CSMD3: variants seen among roughly 807,000 people sequenced by gnomAD.
CSMD3 encodes the protein CUB and sushi domain-containing protein 3.
Under a neutral mutation model 435.2 loss-of-function variants are expected in CSMD3, and 177 were observed. The ratio of observed to expected loss-of-function variants is 0.41; its 90% confidence interval spans 0.36 to 0.46. The LOEUF is 0.46. CSMD3 is among the 20% of genes least tolerant of loss of function. The probability of loss-of-function intolerance (pLI) is 0.34; values close to 1 mark genes in which losing one functional copy is unlikely to be tolerated. For synonymous variants in CSMD3, 1,656 were observed against 1,520.5 expected (o/e 1.09, Z -2.07); for missense variants, 4,265 against 4,504.6 (o/e 0.95, Z 1.52).
At position 112,866,396 on chromosome 8, in the gene CSMD3, T is replaced by C. The variant is rs571285709; in HGVS notation, c.1634-7130A>G. Reference sequence around the variant, plus strand: ...CAGCTATCTATGTGCTCTGAATGGCTTTCCCAAGAGATGCAATGAAGTTGA... The same window carrying C: ...CAGCTATCTATGTGCTCTGAATGGCCTTCCCAAGAGATGCAATGAAGTTGA... On this transcript the variant is annotated intron_variant, in intron 10 of 70. Coordinates refer to ENST00000297405, the MANE Select transcript of CSMD3 (RefSeq NM_198123.2). Among the ~76,000 whole-genome samples, 5 of 152,284 alleles carry C rather than the reference T, an allele frequency of 3.3e-5. No homozygotes were observed. In the East Asian group the frequency reaches 9.6e-4, roughly 29 times the overall value.
intron 13 of CSMD3, among the ~76,000 whole-genome samples, chr8:112,760,249 G>T (rs1046126104): frequency 3.3e-5 from 5 of 152,128 alleles, no homozygotes; most frequent in Non-Finnish European, 7.4e-5. Context: ...GAATTAATAT[G>T]TACTTTTTAT....
chr8:112,712,316 G>A (rs1290200666), intron 13 of CSMD3, among the ~76,000 whole-genome samples: 1 of 152,082 alleles, frequency 6.6e-6, no homozygotes, highest in Non-Finnish European at 1.5e-5. Flanking sequence ...ACTTCAATTT[G>A]GTAAATGTAG....
At chr8:112,542,359 A>G (rs1826757875) in intron 27 of CSMD3, among the ~76,000 whole-genome samples, 1 of 151,440 alleles carries the variant, frequency 6.6e-6, no homozygotes. Context: ...AAAAAAAAAA[A>G]AATAGGTAAA....
chr8:113,075,501 C>T (rs1166668903), intron 5 of CSMD3, among the ~76,000 whole-genome samples: 1 of 151,752 alleles, frequency 6.6e-6, no homozygotes, highest in Non-Finnish European at 1.5e-5. Flanking sequence ...ATATAACCAT[C>T]CTAAATGTTA....
chr8:112,447,608 T>C (rs1200120185), intron 32 of CSMD3, among the ~76,000 whole-genome samples: 2 of 152,198 alleles, frequency 1.3e-5, no homozygotes, highest in Non-Finnish European at 2.9e-5. Flanking sequence ...TTTTAGGCTC[T>C]GTGGACCTAG....
At chr8:112,243,315 T>A (rs1433037064) in intron 65 of CSMD3, among the ~76,000 whole-genome samples, 2 of 152,152 alleles carry the variant, frequency 1.3e-5, no homozygotes, top group African/African-American at 4.8e-5. Flanking sequence ...AGAAAGTAAT[T>A]GTCATTTATG....
chr8:113,202,386 T>C (rs1441452403), intron 3 of CSMD3, among the ~76,000 whole-genome samples: 1 of 152,110 alleles, frequency 6.6e-6, no homozygotes, highest in African/African-American at 2.4e-5. Flanking sequence ...GAAGAGCCTC[T>C]TTTAAAAACT....
chr8:113,235,343 A>G (rs2093135940), intron 3 of CSMD3, among the ~76,000 whole-genome samples: 1 of 152,056 alleles, frequency 6.6e-6, no homozygotes, highest in African/African-American at 2.4e-5. Context: ...TCTCTCCGCT[A>G]CCTCAAAAAT....
chr8:112,656,487 C>T (rs1374705734), intron 17 of CSMD3, 146 bp from the exon 18 acceptor site: 1 of 562,868 alleles, frequency 1.8e-6, no homozygotes, highest in Non-Finnish European at 3.1e-6. Context: ...TCTAAGATAT[C>T]ATTTAAGACA....
At position 112,326,195 on chromosome 8, in the gene CSMD3, G is replaced by A. The variant is rs1305492018; in HGVS notation, c.7166-6214C>T. Among the ~76,000 whole-genome samples, 4 of 152,284 alleles carry A rather than the reference G, an allele frequency of 2.6e-5. No homozygotes were observed. In the East Asian group the frequency reaches 7.7e-4, roughly 29 times the overall value. The stretch of plus-strand genomic sequence containing the variant: ...GGGTGTAATGATTGTGAGGTGTGAT[G>A]CAGCAGATGTTTTGTAATTGAAGGC... On this transcript the variant is annotated intron_variant, in intron 45 of 70. Coordinates refer to ENST00000297405, the MANE Select transcript of CSMD3 (RefSeq NM_198123.2).
chr8:112,298,304 A>T lies in CSMD3; in HGVS notation c.8441-2298T>A, dbSNP rs540346582. Among the ~76,000 whole-genome samples the T allele has an allele frequency of 8.5e-5, 13 of 152,202 alleles. No individual in the cohort carries two copies. The South Asian group carries it at 1.2e-3, about 15-fold the overall frequency. On this transcript the variant is annotated intron_variant, in intron 53 of 70. Coordinates refer to ENST00000297405, the MANE Select transcript of CSMD3 (RefSeq NM_198123.2). ...ATGAACAAATTTAGAGGATTTACAT[A>T]CATGATTTCAATAATTATTATGAAG...
chr8:112,668,670 T>C (rs554424266), intron 16 of CSMD3, among the ~76,000 whole-genome samples: 4 of 152,168 alleles, frequency 2.6e-5, no homozygotes, highest in African/African-American at 7.2e-5. Flanking sequence ...TTATGACATT[T>C]TCTGAAGTAG....
At chr8:113,408,921 C>T (rs1171272061) in intron 1 of CSMD3, among the ~76,000 whole-genome samples, 1 of 152,040 alleles carries the variant, frequency 6.6e-6, no homozygotes. Context: ...TGGCTTTGAT[C>T]TCCCAAAGTG....
chr8:113,321,231 T>A (rs2093947326), intron 1 of CSMD3, among the ~76,000 whole-genome samples: 1 of 152,164 alleles, frequency 6.6e-6, no homozygotes, highest in African/African-American at 2.4e-5. Context: ...CTTCTTATTG[T>A]CAATATAAGG....
chr8:112,635,862 G>C (rs1316196203), intron 22 of CSMD3, among the ~76,000 whole-genome samples: 2 of 152,038 alleles, frequency 1.3e-5, no homozygotes, highest in South Asian at 2.1e-4. Context: ...GTAAAGAGCA[G>C]GGGCTTAAAC....
At chr8:113,090,863 G>A (rs1051634370) in intron 5 of CSMD3, among the ~76,000 whole-genome samples, 1 of 151,980 alleles carries the variant, frequency 6.6e-6, no homozygotes, top group African/African-American at 2.4e-5. Context: ...ATTCTCCAGA[G>A]AAAGTATTTC....
intron 6 of CSMD3, among the ~76,000 whole-genome samples, chr8:112,986,472 AT>A (rs2085258150): frequency 6.6e-6 from 1 of 152,154 alleles, no homozygotes; most frequent in African/African-American, 2.4e-5. Flanking sequence ...TGAAAGCATC[AT>A]TTTATTAAAT....
chr8:113,005,649 T>A (rs2086028843), intron 6 of CSMD3, among the ~76,000 whole-genome samples: 1 of 152,050 alleles, frequency 6.6e-6, no homozygotes, highest in African/African-American at 2.4e-5. Context: ...CTCCTCATTT[T>A]CATTATGAGT....
intron 13 of CSMD3, among the ~76,000 whole-genome samples, chr8:112,750,340 T>G (rs970399728): frequency 1.3e-5 from 2 of 151,732 alleles, no homozygotes; most frequent in Non-Finnish European, 2.9e-5. Flanking sequence ...ATTTAATAAT[T>G]TTATTAAATA....
Sources: allele counts gnomAD v4.1 joint callset (sites outside exome capture counted in the v4.1 genomes callset), GRCh38; gene constraint gnomAD v4.1.1; transcripts MANE v1.5; gene names NCBI Gene and HGNC (gene_info 2026-07-23, HGNC 2026-07-21).